The following CNTN4 variants were observed in gnomAD, a reference collection of about 807,000 sequenced individuals.
The protein encoded by CNTN4 is contactin 4, also known as contactin-4.
CNTN4 carries 77 observed loss-of-function variants against 122.5 expected under a neutral mutation model. That is an observed-to-expected ratio of 0.63 (90% confidence interval 0.52 to 0.76). The LOEUF is 0.76. CNTN4 is among the 30% of genes least tolerant of loss of function. The probability of loss-of-function intolerance (pLI) is 0.00; values close to 1 mark genes in which losing one functional copy is unlikely to be tolerated. For synonymous variants in CNTN4, 512 were observed against 447.0 expected (o/e 1.15, Z -1.83); for missense variants, 1,256 against 1,259.1 (o/e 1.00, Z 0.04).
At chr3:2,762,280 A>T (rs2090625349) in intron 6 of CNTN4, among the ~76,000 whole-genome samples, 1 of 152,148 alleles carries the variant, frequency 6.6e-6, no homozygotes, top group Admixed American at 6.5e-5. Flanking sequence ...TTGTGTCATG[A>T]GGGTTTGTTG....
chr3:2,227,872 T>C (rs995474473), intron 2 of CNTN4, among the ~76,000 whole-genome samples: 1 of 152,146 alleles, frequency 6.6e-6, no homozygotes, highest in Non-Finnish European at 1.5e-5. Context: ...CCACAGTTAA[T>C]TTAGTAAGGA....
chr3:2,543,271 C>A (rs1386341983), intron 3 of CNTN4, among the ~76,000 whole-genome samples: 1 of 152,036 alleles, frequency 6.6e-6, no homozygotes, highest in Non-Finnish European at 1.5e-5. Context: ...AAAGAGTTAC[C>A]AGGTGAAGAC....
At chr3:2,274,413 C>T (rs2041420957) in intron 2 of CNTN4, among the ~76,000 whole-genome samples, 2 of 150,080 alleles carry the variant, frequency 1.3e-5, no homozygotes, top group South Asian at 4.3e-4. Flanking sequence ...AAACAAACAA[C>T]CCAGGAATCA....
At chr3:2,783,450 T>A (rs77732456) in intron 6 of CNTN4, among the ~76,000 whole-genome samples, 3,603 of 152,190 alleles carry the variant, frequency 0.024, 139 homozygotes, top group African/African-American at 0.083. Flanking sequence ...CTCCTTTATC[T>A]CCAGAGGCAG....
chr3:2,293,825 T>C (rs1444746668), intron 2 of CNTN4, among the ~76,000 whole-genome samples: 1 of 152,152 alleles, frequency 6.6e-6, no homozygotes, highest in South Asian at 2.1e-4. Context: ...GTGTAGGCAG[T>C]TCTCTTGGTA....
chr3:2,202,203 A>C (rs1395155272), intron 2 of CNTN4, among the ~76,000 whole-genome samples: 2 of 152,170 alleles, frequency 1.3e-5, no homozygotes, highest in Non-Finnish European at 2.9e-5. Flanking sequence ...TTTGAAGGAT[A>C]CATATAGATC....
chr3:2,809,025 A>T (rs2092540209), intron 6 of CNTN4, among the ~76,000 whole-genome samples: 1 of 152,244 alleles, frequency 6.6e-6, no homozygotes, highest in South Asian at 2.1e-4. Context: ...TATGTATCAG[A>T]CACTGTTTTG....
At position 2,925,639 on chromosome 3, in the gene CNTN4, A is replaced by C. The variant is rs1033799414; in HGVS notation, c.1218A>C (p.Pro406=). The C allele has an allele frequency of 2.5e-6, 4 of 1,613,924 alleles. No individual in the cohort carries two copies. Among genetic ancestry groups the C allele is most frequent in the Non-Finnish European group, 3.4e-6 (4 of 1,179,920 alleles). Reference sequence around the variant, plus strand: ...TGTACTGTCTTTCAGCTGTAGGTCCAGATTTTTCAAGAACACTCTTGAAAA... The same window carrying C: ...TGTACTGTCTTTCAGCTGTAGGTCCCGATTTTTCAAGAACACTCTTGAAAA... The part of the protein sequence containing the change: ...NAELSVIAVG[P]DFSRTLLKRV... Residue 406 remains proline, a synonymous_variant, in exon 13 of 25, where the codon CCA becomes CCC. Transcript: ENST00000418658.
chr3:2,589,752 C>A (rs1215156098), intron 4 of CNTN4, among the ~76,000 whole-genome samples: 1 of 152,172 alleles, frequency 6.6e-6, no homozygotes, highest in Non-Finnish European at 1.5e-5. Flanking sequence ...TTGGCTCAGT[C>A]ACATATGTGA....
At chr3:2,234,166 G>T (rs1438928988) in intron 2 of CNTN4, among the ~76,000 whole-genome samples, 1 of 151,926 alleles carries the variant, frequency 6.6e-6, no homozygotes, top group Non-Finnish European at 1.5e-5. Context: ...ATCACTTGAG[G>T]TCAGGAGTTC....
intron 4 of CNTN4, among the ~76,000 whole-genome samples, chr3:2,720,510 G>A (rs1370271476): frequency 6.6e-6 from 1 of 152,114 alleles, no homozygotes; most frequent in Non-Finnish European, 1.5e-5. Flanking sequence ...AGAGGGCAAA[G>A]GTGGAAAGAT....
intron 13 of CNTN4, 117 bp downstream of exon 13, chr3:2,925,896 A>C: frequency 1.2e-6 from 1 of 854,228 alleles, no homozygotes; most frequent in Non-Finnish European, 1.9e-6. Context: ...CTAAGTGTTA[A>C]AAAAAGAACA....
chr3:2,587,673 G>A (rs1057424081), intron 4 of CNTN4, among the ~76,000 whole-genome samples: 4 of 152,150 alleles, frequency 2.6e-5, no homozygotes, highest in Non-Finnish European at 5.9e-5. Flanking sequence ...TTGAATTTAA[G>A]AAGATTATCA....
At chr3:3,036,162 C>CT (rs1351991305) in intron 17 of CNTN4, among the ~76,000 whole-genome samples, 3 of 152,140 alleles carry the variant, frequency 2.0e-5, no homozygotes, top group Non-Finnish European at 2.9e-5. Flanking sequence ...GATACACACT[C>CT]CTCTAGACAG....
At chr3:2,374,382 G>A (rs909947819) in intron 3 of CNTN4, among the ~76,000 whole-genome samples, 4 of 152,312 alleles carry the variant, frequency 2.6e-5, no homozygotes, top group African/African-American at 9.6e-5. Flanking sequence ...CTAAAAAGAA[G>A]AGTTGTTCTT....
chr3:2,187,338 G>A (rs1317659691), intron 2 of CNTN4, among the ~76,000 whole-genome samples: 2 of 152,158 alleles, frequency 1.3e-5, no homozygotes, highest in Admixed American at 1.3e-4. Flanking sequence ...TATCCTTGTA[G>A]TATTGTTTGA....
intron 10 of CNTN4, among the ~76,000 whole-genome samples, chr3:2,895,296 T>A (rs1261254889): frequency 6.6e-6 from 1 of 152,194 alleles, no homozygotes; most frequent in Non-Finnish European, 1.5e-5. Flanking sequence ...AGACTTTCAA[T>A]ATTAACCTAA....
intron 2 of CNTN4, among the ~76,000 whole-genome samples, chr3:2,257,149 T>G (rs370823505): frequency 1.3e-5 from 2 of 152,204 alleles, no homozygotes; most frequent in East Asian, 3.9e-4. Context: ...TCTACACCCA[T>G]CTGATCTTTG....
At chr3:2,376,522 C>G (rs184539305) in intron 3 of CNTN4, among the ~76,000 whole-genome samples, 38 of 152,094 alleles carry the variant, frequency 2.5e-4, no homozygotes, top group Admixed American at 4.6e-4. Flanking sequence ...TTCTATATCA[C>G]TAGGTGATTC....
Sources: gnomAD v4.1 joint callset for allele counts (sites outside exome capture counted in the v4.1 genomes callset) on GRCh38, gnomAD v4.1.1 for gene constraint, MANE v1.5 for transcripts, NCBI Gene and HGNC (gene_info 2026-07-23, HGNC 2026-07-21) for gene names.